CHD4: variants seen among roughly 807,000 people sequenced by gnomAD.
CHD4 encodes the protein ATP-dependent chromatin remodeler CHD4.
CHD4 carries 35 observed loss-of-function variants against 235.5 expected under a neutral mutation model. The ratio of observed to expected loss-of-function variants is 0.15; its 90% CI spans 0.11 to 0.20. The LOEUF is 0.20. CHD4 is among the 10% of genes least tolerant of loss of function. The pLI, the probability that CHD4 is intolerant of heterozygous loss-of-function variation, is 1.00. For missense variants in CHD4, 1,329 were observed against 2,432.3 expected, an observed-to-expected ratio of 0.55 and a Z score of 9.54; for synonymous variants, 900 against 850.2, an observed-to-expected ratio of 1.06 and a Z score of -1.02.
chr12:6,602,180 A>G lies in CHD4; in HGVS notation c.223-5T>C. 1.9e-6 allele frequency: 3 copies of G among 1,613,850 alleles called. No homozygotes were observed. The South Asian group carries it at 3.3e-5, about 18-fold the overall frequency. ...CTGCCGGCATAAGAGCATACGCTGG[A>G]GCAGGGCAAGGGGGGAAGAGGGAGA... On this transcript the variant is annotated splice_polypyrimidine_tract_variant and splice_region_variant and intron_variant, in intron 3 of 39. Transcript: ENST00000544040.
At position 6,606,324 on chromosome 12, in the gene CHD4, T is replaced by G; in HGVS notation, c.50A>C (p.Glu17Ala). ...GTTCAAAAGTGCATCCATATCCTCC[T>G]CCTCACTGCCCGCCGAGCAGGGGGA... The part of the protein sequence containing the change: ...SPSPCSAGSE[E>A]EDMDALLNNS... The change falls in exon 2 of 40, where the codon GAG becomes GCG. Residue 17 changes from glutamate (E) to alanine (A), a missense_variant. Coordinates refer to ENST00000544040, the MANE Select transcript of CHD4 (RefSeq NM_001273.5). 6.4e-7 allele frequency: 1 copy of G among 1,572,916 alleles called. No homozygotes were observed.
intron 29 of CHD4, 112 bp from the exon 30 acceptor site, chr12:6,582,393 G>C (rs2267970): frequency 7.3e-7 from 1 of 1,375,306 alleles, no homozygotes; most frequent in Non-Finnish European, 9.8e-7. Context: ...CCACCTTGAG[G>C]TAAAGCCCAC....
rs1948404655 is a variant in CHD4, at chr12:6,591,718, C to T, written c.3198G>A (p.Gly1066=). The change falls in exon 21 of 40, where the codon GGG becomes GGA. Residue 1066 remains glycine (G), a synonymous_variant. Transcript: ENST00000544040. ...QKMLKNLKEG[G]HRVLIFSQMT... ...CCTGGGAAAAGATGAGTACACGATG[C>T]CCACCCTCCTTAAGGTTCTTGAGCA... 6.2e-7 allele frequency: 1 copy of T among 1,614,094 alleles called. No homozygotes were observed. The highest frequency in any genetic ancestry group is 1.7e-5 in the Admixed American group (1 of 60,008).
intron 15 of CHD4, 93 bp downstream of exon 15, chr12:6,594,365 AT>A: frequency 1.1e-5 from 14 of 1,246,214 alleles, no homozygotes; most frequent in Non-Finnish European, 1.6e-5. Flanking sequence ...TCAGAGACCA[AT>A]TTTTTTATTC....
intron 35 of CHD4, 120 bp downstream of exon 35, chr12:6,578,289 G>A: frequency 1.4e-6 from 2 of 1,403,998 alleles, no homozygotes; most frequent in Non-Finnish European, 9.9e-7. Flanking sequence ...CCCACTATCA[G>A]TTTGGCATTC....
chr12:6,587,016 TA>T (rs2136208159), intron 25 of CHD4: 1 of 183,860 alleles, frequency 5.4e-6, no homozygotes, highest in South Asian at 1.2e-4. Context: ...GTCTCTTAAA[TA>T]AAAACCAGAA....
At chr12:6,590,954 C>T (rs914230347) in intron 22 of CHD4, among the ~76,000 whole-genome samples, 2 of 151,940 alleles carry the variant, frequency 1.3e-5, no homozygotes, top group Non-Finnish European at 2.9e-5. Flanking sequence ...GAAACCACAT[C>T]TCTACTAAAA....
chr12:6,600,711 G>A (rs759692528), intron 7 of CHD4, 42 bp from the exon 8 acceptor site: 9 of 1,608,724 alleles, frequency 5.6e-6, no homozygotes, highest in Middle Eastern at 1.7e-4. Context: ...TTCAAGCCAA[G>A]GGGAAGGACA....
chr12:6,586,099 CA>C (rs1361078103), intron 25 of CHD4, among the ~76,000 whole-genome samples: 9 of 143,560 alleles, frequency 6.3e-5, no homozygotes, highest in South Asian at 2.2e-4. Context: ...GACTCCGTAT[CA>C]AAAAAAAAAT....
rs146335849 is a variant in CHD4 at position 6,592,915 on chromosome 12, T to A, written c.2653-98A>T. The stretch of plus-strand genomic sequence containing the variant: ...TTTTTCACTGCCCAATAGTTAAGCA[T>A]CCCACTCCTCACATTCTTTTTAAAG... On this transcript the variant is annotated intron_variant, in intron 17 of 39. Coordinates refer to ENST00000544040, the MANE Select transcript of CHD4 (RefSeq NM_001273.5). 308 of 1,522,542 alleles carry A rather than the reference T, an allele frequency of 2.0e-4. No individual in the cohort carries two copies. The African/African-American group carries it at 3.3e-3, about 16-fold the overall frequency. The allele number at this position is 1,522,542 out of a possible 1,614,324, so 94.3% of individuals were successfully genotyped here. A position where few individuals can be genotyped will look rare whatever the true frequency, so the allele number is the denominator to read the frequency against.
Position 6,594,423 on chromosome 12 carries a change from C to A in CHD4, c.2313+36G>T, listed in dbSNP as rs750511072. 15 of 1,560,098 alleles carry A rather than the reference C, an allele frequency of 9.6e-6. No individual in the cohort carries two copies. In the Middle Eastern group the frequency reaches 6.9e-4, roughly 71 times the overall value. On this transcript the variant is annotated intron_variant, in intron 15 of 39. Coordinates refer to ENST00000544040, the MANE Select transcript of CHD4 (RefSeq NM_001273.5). ...AAGTTAAGGCTTCAAACACAAAACA[C>A]CCACACAAAAAACTATCCACCCCAG...
intron 19 of CHD4, among the ~76,000 whole-genome samples, 159 bp downstream of exon 19, chr12:6,592,234 A>G (rs1365527512): frequency 6.6e-6 from 1 of 152,080 alleles, no homozygotes; most frequent in Non-Finnish European, 1.5e-5. Context: ...ACCTAAAATA[A>G]GTAAGAACTA....
intron 25 of CHD4, chr12:6,584,113 A>G (rs1175834783): frequency 6.6e-6 from 1 of 152,106 alleles, no homozygotes; most frequent in Non-Finnish European, 1.5e-5. Context: ...GAAAAAACAA[A>G]ATTATGTCTG....
In CHD4 at chr12:6,601,718, TGTCTTCCATGCCCCA is replaced by T; in HGVS notation, c.472_486del (p.Trp158_Asp162del). ...TCCTCCTCTGAGAACACGTGGTCAA[TGTCTTCCATGCCCCA>T]GTCTTCCAGGAGCTGAGCAGATGAT... On this transcript the variant is annotated inframe_deletion, in exon 5 of 40. Transcript: ENST00000544040. 1 of 1,614,170 alleles carries T rather than the reference TGTCTTCCATGCCCCA, an allele frequency of 6.2e-7. No individual in the cohort carries two copies. Among genetic ancestry groups the T allele is most frequent in the Non-Finnish European group, 8.5e-7 (1 of 1,180,028 alleles).
At chr12:6,574,568 C>T (rs1248956306) in intron 37 of CHD4, among the ~76,000 whole-genome samples, 1 of 152,170 alleles carries the variant, frequency 6.6e-6, no homozygotes, top group East Asian at 1.9e-4. Flanking sequence ...TACCCTTCTC[C>T]TCTCCTAGTG....
At chr12:6,574,654 T>G (rs6489723) in intron 37 of CHD4, among the ~76,000 whole-genome samples, 10,760 of 152,254 alleles carry the variant, frequency 0.071, 1,247 homozygotes, top group African/African-American at 0.24. Context: ...ATCCCACTAG[T>G]GTATGGTGAT....
At chr12:6,599,335 G>A (rs572478415) in intron 10 of CHD4, among the ~76,000 whole-genome samples, 1 of 152,026 alleles carries the variant, frequency 6.6e-6, no homozygotes, top group Non-Finnish European at 1.5e-5. Flanking sequence ...TACTCAGCAA[G>A]AGGTTGAGAT....
At chr12:6,579,160 C>A (rs1226795077) in intron 33 of CHD4, 1 of 325,602 alleles carries the variant, frequency 3.1e-6, no homozygotes, top group African/African-American at 6.0e-5. Flanking sequence ...ATTAAAAATA[C>A]AAAAATTAGC....
chr12:6,578,561 G>T lies in CHD4; in HGVS notation c.4982-15C>A, dbSNP rs763962246. On this transcript the variant is annotated splice_polypyrimidine_tract_variant and intron_variant, in intron 34 of 39. Transcript: ENST00000544040. ...TTTCTTCTCTTCTACAGAATATGGG[G>T]AAGAAAAATGTCAGCTCCAGCCAAA... The T allele has an allele frequency of 6.2e-7, 1 of 1,608,104 alleles. No homozygotes were observed. Among genetic ancestry groups the T allele is most frequent in the Non-Finnish European group, 8.5e-7 (1 of 1,179,396 alleles).
Sources: gnomAD v4.1 joint callset for allele counts (sites outside exome capture counted in the v4.1 genomes callset) on GRCh38, gnomAD v4.1.1 for gene constraint, MANE v1.5 for transcripts, NCBI Gene and HGNC (gene_info 2026-07-23, HGNC 2026-07-21) for gene names.